The following TECRL variants were observed in gnomAD, a reference collection of about 807,000 sequenced individuals.
The protein encoded by TECRL is trans-2,3-enoyl-CoA reductase like.
In TECRL, 63 loss-of-function variants were observed where a neutral mutation model predicts 52.8. The observed-to-expected ratio is 1.19, with a 90% CI of 0.97 to 1.47. The LOEUF (loss-of-function observed/expected upper bound fraction) is 1.47, where lower values mean the gene tolerates loss of function less well. Ranked by LOEUF, TECRL falls within the 40% of genes most tolerant of loss-of-function variation. The pLI is 0.00. For missense variants in TECRL, 482 were observed against 429.6 expected (o/e 1.12, Z -1.08); for synonymous variants, 164 against 141.9 (o/e 1.16, Z -1.10).
chr4:64,319,213 A>C (rs1717719014), intron 4 of TECRL, among the ~76,000 whole-genome samples: 1 of 151,826 alleles, frequency 6.6e-6, no homozygotes, highest in South Asian at 2.1e-4. Flanking sequence ...ATTCAAAATA[A>C]GGTAAGAAAA....
chr4:64,288,088 G>T (rs988558707), intron 9 of TECRL, among the ~76,000 whole-genome samples: 4 of 151,932 alleles, frequency 2.6e-5, no homozygotes, highest in East Asian at 1.9e-4. Context: ...GGCAGAAGTT[G>T]CAGTGAGCCA....
At chr4:64,310,587 A>G (rs1194360787) in intron 5 of TECRL, among the ~76,000 whole-genome samples, 1 of 152,204 alleles carries the variant, frequency 6.6e-6, no homozygotes, top group Non-Finnish European at 1.5e-5. Flanking sequence ...TTACAGCAGT[A>G]TATTTTTCTG....
intron 1 of TECRL, among the ~76,000 whole-genome samples, chr4:64,390,498 A>G (rs1723478216): frequency 6.6e-6 from 1 of 151,864 alleles, no homozygotes. Flanking sequence ...TGACAATAAT[A>G]AAGACAAAAG....
chr4:64,351,690 C>T (rs963828522), intron 2 of TECRL, among the ~76,000 whole-genome samples: 33 of 152,114 alleles, frequency 2.2e-4, no homozygotes, highest in African/African-American at 7.7e-4. Context: ...CAAAATACCA[C>T]GTGTACTCCA....
chr4:64,284,830 T>C (rs1413136965), intron 9 of TECRL, among the ~76,000 whole-genome samples: 1 of 152,078 alleles, frequency 6.6e-6, no homozygotes, highest in Admixed American at 6.6e-5. Flanking sequence ...GCTGGTGCAA[T>C]GTCAGATCTA....
intron 2 of TECRL, among the ~76,000 whole-genome samples, chr4:64,352,061 C>T (rs1291064600): frequency 6.6e-6 from 1 of 152,256 alleles, no homozygotes; most frequent in Non-Finnish European, 1.5e-5. Flanking sequence ...TAAGTTAAAA[C>T]TATTTTTGTT....
chr4:64,388,236 C>A (rs201268723), intron 1 of TECRL, among the ~76,000 whole-genome samples: 1 of 14,954 alleles, frequency 6.7e-5, no homozygotes, highest in Non-Finnish European at 2.7e-4. Flanking sequence ...TTTTTTTTTG[C>A]ATGTGGATGT....
intron 2 of TECRL, among the ~76,000 whole-genome samples, chr4:64,362,004 T>C (rs1480836541): frequency 2.6e-5 from 4 of 151,954 alleles, no homozygotes; most frequent in Admixed American, 1.3e-4. Context: ...TTTAAGAAAA[T>C]AACAAATTGA....
At chr4:64,321,999 A>G (rs934526660) in intron 4 of TECRL, among the ~76,000 whole-genome samples, 3 of 152,212 alleles carry the variant, frequency 2.0e-5, no homozygotes, top group African/African-American at 7.2e-5. Flanking sequence ...TAGGTGGAGC[A>G]GATGAAACCA....
chr4:64,365,457 G>A (rs890566281), intron 2 of TECRL, among the ~76,000 whole-genome samples: 1 of 151,958 alleles, frequency 6.6e-6, no homozygotes, highest in African/African-American at 2.4e-5. Context: ...TCTTCATAGA[G>A]GATATGATTC....
In TECRL at chr4:64,279,816, A is replaced by G. The variant is rs1722728414; in HGVS notation, c.*256T>C. The G allele has an allele frequency of 9.8e-7, 1 of 1,025,070 alleles. No homozygotes were observed. The highest frequency in any genetic ancestry group is 1.2e-6 in the Non-Finnish European group (1 of 856,332). The allele number at this position is 1,025,070 out of a possible 1,614,324, so 63.5% of individuals were successfully genotyped here. A position where few individuals can be genotyped will look rare whatever the true frequency, so the allele number is the denominator to read the frequency against. On this transcript the variant is annotated 3_prime_UTR_variant, in exon 12 of 12. Transcript: ENST00000381210. Reference sequence around the variant, plus strand: ...TAGTATTGTGAAGTATTAATGAAGTAAGACAATTTTATTCAAGGACCAATC... The same window carrying G: ...TAGTATTGTGAAGTATTAATGAAGTGAGACAATTTTATTCAAGGACCAATC...
At chr4:64,399,320 C>T (rs933413112) in intron 1 of TECRL, among the ~76,000 whole-genome samples, 7 of 151,988 alleles carry the variant, frequency 4.6e-5, no homozygotes, top group African/African-American at 1.2e-4. Flanking sequence ...GAAGTTGGAA[C>T]TTATATTTAA....
intron 1 of TECRL, among the ~76,000 whole-genome samples, chr4:64,405,382 C>A (rs1178521675): frequency 1.3e-5 from 2 of 152,012 alleles, no homozygotes; most frequent in African/African-American, 4.8e-5. Context: ...GAAGCTATTG[C>A]CAAGAAGATG....
intron 1 of TECRL, among the ~76,000 whole-genome samples, chr4:64,377,779 C>T (rs1490461484): frequency 6.6e-5 from 10 of 151,870 alleles, no homozygotes. Flanking sequence ...TTGAATTTGC[C>T]CAATATGCAT....
At chr4:64,380,967 T>G (rs1249971299) in intron 1 of TECRL, among the ~76,000 whole-genome samples, 2 of 152,126 alleles carry the variant, frequency 1.3e-5, no homozygotes, top group African/African-American at 4.8e-5. Flanking sequence ...GTATTGAATT[T>G]GTAGATTGCT....
chr4:64,363,289 AAACT>A (rs1198096062), intron 2 of TECRL, among the ~76,000 whole-genome samples: 1 of 152,188 alleles, frequency 6.6e-6, no homozygotes, highest in Non-Finnish European at 1.5e-5. Flanking sequence ...TCAAGGGAGA[AAACT>A]AACAAAGATA....
intron 1 of TECRL, among the ~76,000 whole-genome samples, chr4:64,390,177 AT>A (rs1353249775): frequency 2.0e-5 from 3 of 151,948 alleles, no homozygotes; most frequent in South Asian, 2.1e-4. Flanking sequence ...TAAACTTTGC[AT>A]AAAAAATTGA....
At chr4:64,345,091 AC>A (rs752705820) in intron 2 of TECRL, among the ~76,000 whole-genome samples, 1 of 152,180 alleles carries the variant, frequency 6.6e-6, no homozygotes, top group Non-Finnish European at 1.5e-5. Context: ...AAATAGGAAC[AC>A]TTTTACACTG....
At chr4:64,404,584 T>A (rs1462682279) in intron 1 of TECRL, among the ~76,000 whole-genome samples, 1 of 152,126 alleles carries the variant, frequency 6.6e-6, no homozygotes, top group Non-Finnish European at 1.5e-5. Context: ...TTTTAATCAT[T>A]CATGGGAACT....
Sources: gnomAD v4.1 joint callset for allele counts (sites outside exome capture counted in the v4.1 genomes callset) on GRCh38, gnomAD v4.1.1 for gene constraint, MANE v1.5 for transcripts, NCBI Gene and HGNC (gene_info 2026-07-23, HGNC 2026-07-21) for gene names.